Variants in ADCY8 observed in about 807,000 individuals in gnomAD.
The protein encoded by ADCY8 is adenylate cyclase 8, also known as adenylate cyclase type 8.
ADCY8 carries 51 observed loss-of-function variants against 119.7 expected under a neutral mutation model. The observed-to-expected ratio is 0.43, with a 90% confidence interval of 0.34 to 0.54. ADCY8 has a LOEUF of 0.54. ADCY8 is among the 20% of genes least tolerant of loss of function. The probability of loss-of-function intolerance (pLI) is 0.03; values close to 1 mark genes in which losing one functional copy is unlikely to be tolerated. For synonymous variants in ADCY8, 665 were observed against 651.0 expected (o/e 1.02, Z -0.33); for missense variants, 1,383 against 1,598.8 (o/e 0.87, Z 2.30).
intron 2 of ADCY8, among the ~76,000 whole-genome samples, chr8:130,985,405 C>T (rs1200908409): frequency 6.6e-6 from 1 of 151,998 alleles, no homozygotes; most frequent in Non-Finnish European, 1.5e-5. Flanking sequence ...GTGTAAGAAA[C>T]AGTGAATATT....
At chr8:130,847,337 TG>T in intron 11 of ADCY8, 86 bp downstream of exon 11, 1 of 942,978 alleles carries the variant, frequency 1.1e-6, no homozygotes, top group Non-Finnish European at 1.6e-6. Context: ...GTATTTTCTA[TG>T]GCCCTTCAGC....
At chr8:130,819,845 C>T (rs557447944) in intron 13 of ADCY8, among the ~76,000 whole-genome samples, 1 of 152,264 alleles carries the variant, frequency 6.6e-6, no homozygotes, top group South Asian at 2.1e-4. Context: ...ATAATTTTAG[C>T]CAAAATGGGA....
chr8:130,990,705 C>T (rs1822551182), intron 1 of ADCY8, 163 bp from the exon 2 acceptor site: 2 of 821,760 alleles, frequency 2.4e-6, no homozygotes, highest in Non-Finnish European at 3.5e-6. Flanking sequence ...GATCTTGAGG[C>T]AAATGTCATC....
intron 1 of ADCY8, among the ~76,000 whole-genome samples, chr8:130,997,129 A>C (rs1822802068): frequency 6.6e-6 from 1 of 152,200 alleles, no homozygotes; most frequent in African/African-American, 2.4e-5. Context: ...TGACATTAGC[A>C]AATCTCTGAT....
chr8:130,893,792 G>A (rs1297268876), intron 7 of ADCY8, among the ~76,000 whole-genome samples: 2 of 149,266 alleles, frequency 1.3e-5, no homozygotes, highest in African/African-American at 2.5e-5. Flanking sequence ...GGGTGTGCAT[G>A]TTTGTGTGTG....
At chr8:130,813,427 TTTTCATCTCTA>T (rs1214654092) in intron 14 of ADCY8, among the ~76,000 whole-genome samples, 2 of 152,192 alleles carry the variant, frequency 1.3e-5, no homozygotes, top group African/African-American at 4.8e-5. Context: ...ACCATTCTAC[TTTTCATCTCTA>T]TGAATTTGAC....
chr8:130,785,325 G>T, intron 16 of ADCY8, 58 bp downstream of exon 16: 1 of 1,251,264 alleles, frequency 8.0e-7, no homozygotes, highest in Non-Finnish European at 1.1e-6. Context: ...CACCGTCGGT[G>T]ACATGACAAC....
chr8:130,847,983 G>T (rs1425413226), intron 10 of ADCY8, among the ~76,000 whole-genome samples: 1 of 152,176 alleles, frequency 6.6e-6, no homozygotes, highest in Non-Finnish European at 1.5e-5. Flanking sequence ...TGCTGCAGGA[G>T]ATTTTGTGGT....
intron 9 of ADCY8, among the ~76,000 whole-genome samples, chr8:130,866,513 T>G (rs972116429): frequency 1.3e-5 from 2 of 152,332 alleles, no homozygotes; most frequent in African/African-American, 4.8e-5. Flanking sequence ...CTATTGGCTC[T>G]TACATTTAAT....
At chr8:130,825,609 C>T (rs939373313) in intron 12 of ADCY8, among the ~76,000 whole-genome samples, 1 of 152,150 alleles carries the variant, frequency 6.6e-6, no homozygotes, top group South Asian at 2.1e-4. Flanking sequence ...TGTTTTAAGG[C>T]TGGGCCTAGA....
chr8:130,879,358 G>C (rs753693423), intron 8 of ADCY8, among the ~76,000 whole-genome samples: 2 of 152,154 alleles, frequency 1.3e-5, no homozygotes, highest in East Asian at 1.9e-4. Flanking sequence ...ATACCATCAA[G>C]GTATAAGAAA....
chr8:130,908,605 C>G (rs897403461), intron 6 of ADCY8, among the ~76,000 whole-genome samples: 10 of 152,268 alleles, frequency 6.6e-5, no homozygotes, highest in African/African-American at 2.4e-4. Flanking sequence ...AGAACAAACT[C>G]TCATGGAGGA....
intron 1 of ADCY8, among the ~76,000 whole-genome samples, chr8:131,038,676 A>G (rs1383017124): frequency 6.6e-6 from 1 of 152,196 alleles, no homozygotes; most frequent in Non-Finnish European, 1.5e-5. Flanking sequence ...CCCTTTTCCA[A>G]TTAATCAAAA....
At chr8:130,861,788 A>C (rs1817937416) in intron 9 of ADCY8, among the ~76,000 whole-genome samples, 1 of 151,802 alleles carries the variant, frequency 6.6e-6, no homozygotes, top group Non-Finnish European at 1.5e-5. Context: ...TTTCCACTAA[A>C]GATGATGTTA....
intron 5 of ADCY8, among the ~76,000 whole-genome samples, chr8:130,919,125 G>T (rs746421569): frequency 6.6e-6 from 1 of 152,178 alleles, no homozygotes; most frequent in Non-Finnish European, 1.5e-5. Context: ...TTTAAACAGA[G>T]CTCTGTGGGA....
At chr8:130,922,840 T>C (rs1204662436) in intron 5 of ADCY8, among the ~76,000 whole-genome samples, 1 of 152,202 alleles carries the variant, frequency 6.6e-6, no homozygotes, top group Non-Finnish European at 1.5e-5. Flanking sequence ...ATGAACATGA[T>C]TCAGAGCCTT....
chr8:130,903,653 A>G (rs1345051298), intron 7 of ADCY8, 119 bp downstream of exon 7: 3 of 1,156,478 alleles, frequency 2.6e-6, no homozygotes, highest in Admixed American at 2.3e-5. Context: ...ATCATTTGCA[A>G]TTATGGTGTT....
intron 9 of ADCY8, among the ~76,000 whole-genome samples, chr8:130,858,310 G>C (rs1817813935): frequency 6.6e-6 from 1 of 152,118 alleles, no homozygotes; most frequent in South Asian, 2.1e-4. Context: ...CTTCCATTTA[G>C]TTGTTATGTC....
At chr8:130,788,408 A>C (rs1274067149) in intron 15 of ADCY8, among the ~76,000 whole-genome samples, 1 of 152,208 alleles carries the variant, frequency 6.6e-6, no homozygotes, top group African/African-American at 2.4e-5. Flanking sequence ...AATGTCATAT[A>C]ATCTCACACA....
Sources: allele counts gnomAD v4.1 joint callset (sites outside exome capture counted in the v4.1 genomes callset), GRCh38; gene constraint gnomAD v4.1.1; transcripts MANE v1.5; gene names NCBI Gene and HGNC (gene_info 2026-07-23, HGNC 2026-07-21).